The following TTC23L variants were observed in gnomAD, a reference collection of about 807,000 sequenced individuals.
TTC23L encodes tetratricopeptide repeat protein 23-like.
In TTC23L, 42 loss-of-function variants were observed where a neutral mutation model predicts 48.1. The observed-to-expected ratio is 0.87, with a 90% CI of 0.68 to 1.13. The LOEUF is 1.13. Among genes scored for constraint, TTC23L ranks in the 50% most tolerant of loss-of-function variants. The pLI is 0.00. For synonymous variants in TTC23L, 159 were observed against 157.2 expected (o/e 1.01, Z -0.09); for missense variants, 391 against 421.0 (o/e 0.93, Z 0.62).
chr5:34,881,120 AT>A (rs1762197690), intron 9 of TTC23L, among the ~76,000 whole-genome samples: 1 of 152,358 alleles, frequency 6.6e-6, no homozygotes, highest in Admixed American at 6.5e-5. Flanking sequence ...TAGTAAAAAA[AT>A]ATTTTTCTTG....
chr5:34,923,395 A>G, the TTC23L span: 2 of 609,142 alleles, frequency 3.3e-6, no homozygotes, highest in East Asian at 5.5e-5. Context: ...CTGCTCCCTC[A>G]GTCTCCTGAG....
At chr5:34,908,679 A>C in the TTC23L span, 1 of 1,234,098 alleles carries the variant, frequency 8.1e-7, no homozygotes, top group Non-Finnish European at 1.1e-6. Flanking sequence ...TAGAAAATCC[A>C]ATATGAAATG....
At chr5:34,904,219 C>G (rs1414652859), downstream of TTC23L, among the ~76,000 whole-genome samples, 1 of 151,682 alleles carries the variant, frequency 6.6e-6, no homozygotes, top group Non-Finnish European at 1.5e-5. Context: ...GTCCTCCTGC[C>G]TCGGCCTCCC....
At chr5:34,865,227 AT>A (rs1760963158) in intron 6 of TTC23L, among the ~76,000 whole-genome samples, 1 of 152,244 alleles carries the variant, frequency 6.6e-6, no homozygotes, top group Non-Finnish European at 1.5e-5. Flanking sequence ...TTTTTCAAAT[AT>A]CTTTACATCC....
chr5:34,839,554 G>C (rs1758421321), intron 1 of TTC23L: 1 of 853,342 alleles, frequency 1.2e-6, no homozygotes, highest in African/African-American at 1.8e-5. Context: ...TGAGAGATCA[G>C]AACTCTTTGC....
chr5:34,925,217 T>G, the TTC23L span: 1 of 1,512,804 alleles, frequency 6.6e-7, no homozygotes, highest in Non-Finnish European at 8.8e-7. Context: ...CTTTTTTTTT[T>G]TTTTTTAGCA....
the TTC23L span, chr5:34,924,919 G>A: frequency 1.1e-5 from 18 of 1,613,004 alleles, no homozygotes; most frequent in South Asian, 2.0e-4. Flanking sequence ...GATTTTCCAG[G>A]GAAGTTTTGG....
intron 4 of TTC23L, among the ~76,000 whole-genome samples, chr5:34,853,238 T>C (rs1265935968): frequency 6.6e-6 from 1 of 151,898 alleles, no homozygotes; most frequent in East Asian, 1.9e-4. Flanking sequence ...TGATCAGAAG[T>C]AGTGTGTAGT....
chr5:34,841,708 G>A (rs1193874858), intron 2 of TTC23L, among the ~76,000 whole-genome samples: 5 of 152,124 alleles, frequency 3.3e-5, no homozygotes, highest in African/African-American at 9.7e-5. Flanking sequence ...GTAGAGATGC[G>A]TTCTCATTAT....
chr5:34,882,049 C>T (rs534872487), intron 9 of TTC23L, among the ~76,000 whole-genome samples: 10 of 152,222 alleles, frequency 6.6e-5, no homozygotes, highest in South Asian at 6.2e-4. Context: ...CCACAGCACC[C>T]GGCCGGTTCA....
the TTC23L span, chr5:34,925,607 A>G: frequency 1.1e-6 from 1 of 871,170 alleles, no homozygotes; most frequent in Non-Finnish European, 1.7e-6. Context: ...TAGCATTTAC[A>G]AGAAAGAAAA....
At chr5:34,913,365 T>A in the TTC23L span, 1 of 543,286 alleles carries the variant, frequency 1.8e-6, no homozygotes, top group Non-Finnish European at 3.1e-6. Flanking sequence ...GAAAAATGAA[T>A]TGGCATTAGC....
intron 3 of TTC23L, among the ~76,000 whole-genome samples, chr5:34,847,246 C>T (rs1158267893): frequency 6.6e-6 from 1 of 152,164 alleles, no homozygotes; most frequent in Non-Finnish European, 1.5e-5. Context: ...CTGGCCTGGA[C>T]CCATTAGTGA....
At chr5:34,884,728 G>A (rs906358037) in intron 9 of TTC23L, among the ~76,000 whole-genome samples, 3 of 151,838 alleles carry the variant, frequency 2.0e-5, no homozygotes, top group Non-Finnish European at 2.9e-5. Context: ...AAACCAAGGA[G>A]GTGAAAGACT....
chr5:34,869,829 A>G (rs1761324252), intron 8 of TTC23L: 2 of 151,856 alleles, frequency 1.3e-5, no homozygotes, highest in Admixed American at 6.6e-5. Context: ...TTAAATAAAC[A>G]TTTTTTTTCA....
intron 6 of TTC23L, among the ~76,000 whole-genome samples, chr5:34,866,276 ATATCTC>A (rs1761043162): frequency 1.3e-5 from 2 of 152,186 alleles, no homozygotes; most frequent in Admixed American, 6.5e-5. Context: ...ATCAATAACT[ATATCTC>A]TATGTGGATC....
intron 9 of TTC23L, among the ~76,000 whole-genome samples, chr5:34,894,310 T>C (rs910944363): frequency 3.3e-5 from 5 of 152,182 alleles, no homozygotes; most frequent in African/African-American, 4.8e-5. Flanking sequence ...GTAGAAATAC[T>C]AGTACATTTT....
the TTC23L span, chr5:34,915,764 G>T: frequency 6.2e-7 from 1 of 1,604,310 alleles, no homozygotes; most frequent in Non-Finnish European, 8.5e-7. Context: ...AGGAAACGGC[G>T]TGGAGGCTTT....
intron 9 of TTC23L, among the ~76,000 whole-genome samples, chr5:34,882,032 G>A (rs998216280): frequency 1.3e-5 from 2 of 152,100 alleles, no homozygotes; most frequent in African/African-American, 4.8e-5. Context: ...AAGATTAGAG[G>A]CGTGAGCCAC....
Sources: allele counts gnomAD v4.1 joint callset (sites outside exome capture counted in the v4.1 genomes callset), GRCh38; gene constraint gnomAD v4.1.1; transcripts MANE v1.5; gene names NCBI Gene and HGNC (gene_info 2026-07-23, HGNC 2026-07-21).